Variants in ERBB4 observed in about 807,000 individuals in gnomAD.
ERBB4 encodes the protein erb-b2 receptor tyrosine kinase 4.
In ERBB4, 42 loss-of-function variants were observed where a neutral mutation model predicts 158.0. The observed-to-expected ratio is 0.27, with a 90% CI of 0.21 to 0.34. The LOEUF (loss-of-function observed/expected upper bound fraction) is 0.34. ERBB4 is among the 10% of genes least tolerant of loss of function. The pLI is 1.00. For synonymous variants in ERBB4, 583 were observed against 558.7 expected (o/e 1.04, Z -0.61); for missense variants, 1,333 against 1,624.1 (o/e 0.82, Z 3.08).
intron 19 of ERBB4, among the ~76,000 whole-genome samples, chr2:211,589,147 C>T (rs775780618): frequency 9.2e-5 from 14 of 151,948 alleles, no homozygotes; most frequent in Non-Finnish European, 1.3e-4. Context: ...AAAAGTTAGG[C>T]CAAGTCAAAA....
chr2:212,204,380 G>A (rs2082674662), intron 1 of ERBB4, among the ~76,000 whole-genome samples: 1 of 152,166 alleles, frequency 6.6e-6, no homozygotes, highest in South Asian at 2.1e-4. Context: ...ATAAAGAACT[G>A]TGAACTTCTG....
chr2:211,994,263 T>C (rs2082144909), intron 2 of ERBB4, among the ~76,000 whole-genome samples: 1 of 151,742 alleles, frequency 6.6e-6, no homozygotes, highest in African/African-American at 2.4e-5. Flanking sequence ...CCTGAGTACC[T>C]AGGATGACAG....
At chr2:212,069,937 G>GT (rs1315408390) in intron 2 of ERBB4, among the ~76,000 whole-genome samples, 1 of 151,196 alleles carries the variant, frequency 6.6e-6, no homozygotes, top group African/African-American at 2.4e-5. Context: ...GGGCAACATA[G>GT]TAAGAACCAT....
chr2:211,515,896 T>TTATA lies in ERBB4; in HGVS notation c.2487+46003_2487+46006dup, dbSNP rs1206265176. On this transcript the variant is annotated intron_variant, in intron 20 of 27. Transcript: ENST00000342788. ...TTAGTAACTTATATAAAAACATATA[T>TTATA]TATATATATATATATATTTTTTTTT... is the stretch of plus-strand genomic sequence containing the variant. Among the ~76,000 whole-genome samples the TTATA allele has an allele frequency of 6.4e-4, 57 of 88,926 alleles. 2 individuals carry two copies. Among genetic ancestry groups the TTATA allele is most frequent in the East Asian group, 1.4e-3 (4 of 2,792 alleles). 58.3% of individuals were successfully genotyped at this position (88,926 alleles called of 152,430 possible).
intron 2 of ERBB4, among the ~76,000 whole-genome samples, chr2:212,033,165 A>G (rs1575542927): frequency 1.3e-5 from 2 of 151,954 alleles, no homozygotes; most frequent in Non-Finnish European, 2.9e-5. Context: ...GAAATCTATA[A>G]TAATGTTAGA....
At chr2:212,023,634 C>A (rs983260261) in intron 2 of ERBB4, among the ~76,000 whole-genome samples, 2 of 150,732 alleles carry the variant, frequency 1.3e-5, no homozygotes, top group South Asian at 4.2e-4. Flanking sequence ...ATGCATCATG[C>A]AAAAATTTAC....
chr2:211,824,058 T>C (rs1473530242), intron 3 of ERBB4, among the ~76,000 whole-genome samples: 1 of 152,038 alleles, frequency 6.6e-6, no homozygotes, highest in Non-Finnish European at 1.5e-5. Flanking sequence ...GCATGGAGTG[T>C]TCTCACACAA....
chr2:211,545,332 T>C (rs558793631), intron 20 of ERBB4, among the ~76,000 whole-genome samples: 29 of 152,102 alleles, frequency 1.9e-4, no homozygotes, highest in African/African-American at 6.7e-4. Flanking sequence ...AGTAATGACA[T>C]CATGGAAGCC....
intron 1 of ERBB4, among the ~76,000 whole-genome samples, chr2:212,386,135 C>CAA (rs111875419): frequency 1.7e-4 from 23 of 137,716 alleles, no homozygotes; most frequent in African/African-American, 5.8e-4. Context: ...TTTTAAAATA[C>CAA]AAAAAAAAAA....
intron 2 of ERBB4, among the ~76,000 whole-genome samples, chr2:211,985,531 C>T (rs978725193): frequency 6.6e-6 from 1 of 152,008 alleles, no homozygotes; most frequent in Non-Finnish European, 1.5e-5. Context: ...GTGGCAAATA[C>T]AGAACTCATT....
intron 1 of ERBB4, among the ~76,000 whole-genome samples, chr2:212,424,456 T>C (rs1054643033): frequency 6.6e-6 from 1 of 152,144 alleles, no homozygotes; most frequent in South Asian, 2.1e-4. Flanking sequence ...AGTCCATCTA[T>C]GCACATAAAA....
intron 2 of ERBB4, among the ~76,000 whole-genome samples, chr2:212,048,491 G>T (rs1420781574): frequency 6.6e-6 from 1 of 152,124 alleles, no homozygotes; most frequent in Admixed American, 6.6e-5. Context: ...AAAATGGACT[G>T]ATAGTTTGTT....
intron 1 of ERBB4, among the ~76,000 whole-genome samples, chr2:212,189,851 T>G (rs571043008): frequency 1.5e-3 from 234 of 152,310 alleles, no homozygotes; most frequent in Middle Eastern, 6.8e-3. Flanking sequence ...AATTCTGACT[T>G]CAAGGAGTTA....
At chr2:211,797,237 A>G (rs1324697240) in intron 3 of ERBB4, among the ~76,000 whole-genome samples, 2 of 151,922 alleles carry the variant, frequency 1.3e-5, no homozygotes, top group Non-Finnish European at 2.9e-5. Flanking sequence ...ACAAATCAGT[A>G]GAGTTCAATG....
intron 2 of ERBB4, among the ~76,000 whole-genome samples, chr2:212,052,304 C>A (rs530383891): frequency 1.3e-5 from 2 of 152,278 alleles, no homozygotes; most frequent in Admixed American, 6.5e-5. Flanking sequence ...GGGCCTTCAG[C>A]CACAGACTGA....
chr2:211,910,696 C>T (rs534714246), intron 3 of ERBB4, among the ~76,000 whole-genome samples: 2 of 152,060 alleles, frequency 1.3e-5, no homozygotes, highest in South Asian at 2.1e-4. Flanking sequence ...ACCTATATAA[C>T]AAACGGCATT....
chr2:212,152,882 C>T (rs6715314), intron 1 of ERBB4, among the ~76,000 whole-genome samples: 61,394 of 152,046 alleles, frequency 0.4, 15,097 homozygotes, highest in Non-Finnish European at 0.55. Context: ...AGAATGTACA[C>T]AGAAGTAAGA....
Position 212,141,202 on chromosome 2 carries a change from G to A in ERBB4, c.83-16299C>T, listed in dbSNP as rs183648568. Among the ~76,000 whole-genome samples the A allele has an allele frequency of 1.8e-4, 28 of 151,932 alleles. 1 individual carries two copies. The highest frequency in any genetic ancestry group is 1.4e-4 in the African/African-American group (6 of 41,498). On this transcript the variant is annotated intron_variant, in intron 1 of 27. Transcript: ENST00000342788. ...CCTTTTATAAATTTAGAACTACAGC[G>A]TTGTACTCTTAATTGTTATGCATTA...
chr2:211,764,149 G>A (rs1341097858), intron 4 of ERBB4, among the ~76,000 whole-genome samples: 1 of 152,054 alleles, frequency 6.6e-6, no homozygotes, highest in African/African-American at 2.4e-5. Context: ...TAAATTCAAG[G>A]ATAATGGACA....
Sources: allele counts gnomAD v4.1 joint callset (sites outside exome capture counted in the v4.1 genomes callset), GRCh38; gene constraint gnomAD v4.1.1; transcripts MANE v1.5; gene names NCBI Gene and HGNC (gene_info 2026-07-23, HGNC 2026-07-21).